Variants in PTPRD observed in about 807,000 individuals in gnomAD.
PTPRD encodes the protein receptor-type tyrosine-protein phosphatase delta.
Under a neutral mutation model 214.5 loss-of-function variants are expected in PTPRD, and 34 were observed. The observed-to-expected ratio is 0.16, with a 90% CI of 0.12 to 0.21. The LOEUF (loss-of-function observed/expected upper bound fraction) is 0.21. Ranked by LOEUF, PTPRD falls within the 10% of genes least tolerant of loss-of-function variation. PTPRD has a pLI of 1.00. For missense variants in PTPRD, 2,545 were observed against 2,398.7 expected (o/e 1.06, Z -1.27); for synonymous variants, 1,128 against 845.7 (o/e 1.33, Z -5.79).
At chr9:9,431,157 G>A (rs868853976) in intron 8 of PTPRD, among the ~76,000 whole-genome samples, 1 of 152,148 alleles carries the variant, frequency 6.6e-6, no homozygotes, top group East Asian at 1.9e-4. Context: ...CTACCCATCT[G>A]ACAAAGGGCT....
chr9:9,098,929 T>C (rs562787124), intron 10 of PTPRD, among the ~76,000 whole-genome samples: 87 of 152,256 alleles, frequency 5.7e-4, no homozygotes, highest in Middle Eastern at 3.4e-3. Flanking sequence ...GATAAAGAAA[T>C]GAATACAGAC....
intron 4 of PTPRD, among the ~76,000 whole-genome samples, chr9:9,972,563 C>A (rs1375640168): frequency 6.6e-6 from 1 of 152,078 alleles, no homozygotes; most frequent in African/African-American, 2.4e-5. Context: ...TACCATAATA[C>A]ATTATATACA....
chr9:9,250,278 G>C (rs1181556573), intron 9 of PTPRD, among the ~76,000 whole-genome samples: 2 of 152,048 alleles, frequency 1.3e-5, no homozygotes, highest in Non-Finnish European at 2.9e-5. Context: ...TACCAGTACT[G>C]ATAGAACTTT....
intron 7 of PTPRD, among the ~76,000 whole-genome samples, chr9:9,591,356 C>A (rs1371543056): frequency 6.6e-6 from 1 of 151,874 alleles, no homozygotes; most frequent in Non-Finnish European, 1.5e-5. Flanking sequence ...GTCCTACCTC[C>A]AAAAGGAAGT....
intron 5 of PTPRD, among the ~76,000 whole-genome samples, chr9:9,828,149 A>G (rs775118447): frequency 6.6e-6 from 1 of 152,144 alleles, no homozygotes; most frequent in South Asian, 2.1e-4. Context: ...CCATCCCATT[A>G]CTGAGTATAT....
intron 12 of PTPRD, among the ~76,000 whole-genome samples, chr9:8,706,917 C>A (rs2098222388): frequency 1.3e-5 from 2 of 152,128 alleles, no homozygotes; most frequent in South Asian, 4.1e-4. Context: ...CGCTGGACAG[C>A]ACAAAACACC....
chr9:8,398,051 G>A (rs1482237253), intron 36 of PTPRD, among the ~76,000 whole-genome samples: 1 of 152,038 alleles, frequency 6.6e-6, no homozygotes, highest in Non-Finnish European at 1.5e-5. Context: ...TCAAATATAT[G>A]CAGCTTTCTC....
Position 9,206,324 on chromosome 9 carries a change from C to T in PTPRD, c.-202-22961G>A, listed in dbSNP as rs555508241. ...AGAGGAGGACCATTGGAGGGTTGTG[C>T]GTAAAGGCATGACATGATGTAACAT... is the stretch of plus-strand genomic sequence containing the variant. On this transcript the variant is annotated intron_variant, in intron 9 of 45. Coordinates refer to ENST00000381196, the MANE Select transcript of PTPRD (RefSeq NM_002839.4). Among the ~76,000 whole-genome samples the T allele has an allele frequency of 6.6e-5, 10 of 152,108 alleles. No homozygotes were observed. The East Asian group carries it at 9.7e-4, about 15-fold the overall frequency.
chr9:9,240,331 A>G (rs982550831), intron 9 of PTPRD, among the ~76,000 whole-genome samples: 6 of 152,178 alleles, frequency 3.9e-5, no homozygotes, highest in African/African-American at 1.4e-4. Context: ...TCTTGTTTTT[A>G]TAAGGTATAC....
intron 14 of PTPRD, among the ~76,000 whole-genome samples, chr9:8,628,708 A>G (rs1310608444): frequency 6.6e-6 from 1 of 151,808 alleles, no homozygotes; most frequent in East Asian, 1.9e-4. Context: ...CTGGAATTCA[A>G]TTTCCCAAGA....
At chr9:10,164,922 C>A in intron 3 of PTPRD, among the ~76,000 whole-genome samples, 1 of 150,620 alleles carries the variant, frequency 6.6e-6, no homozygotes. Flanking sequence ...TAGCATACAT[C>A]TGATTCATCT....
intron 33 of PTPRD, among the ~76,000 whole-genome samples, chr9:8,459,086 A>G (rs757276362): frequency 9.9e-5 from 15 of 152,056 alleles, no homozygotes; most frequent in Non-Finnish European, 1.9e-4. Context: ...TTCTTTTTTT[A>G]AGAGTCAAGA....
At chr9:8,842,778 A>G (rs1195777671) in intron 11 of PTPRD, among the ~76,000 whole-genome samples, 1 of 152,168 alleles carries the variant, frequency 6.6e-6, no homozygotes, top group East Asian at 1.9e-4. Flanking sequence ...GACAAAATTC[A>G]AACGCACTAT....
intron 3 of PTPRD, among the ~76,000 whole-genome samples, chr9:10,103,199 T>C (rs1490185532): frequency 6.6e-6 from 1 of 151,430 alleles, no homozygotes; most frequent in African/African-American, 2.4e-5. Context: ...ACAGCACTAA[T>C]ATCTGCACAT....
Position 10,105,430 on chromosome 9 carries a change from G to A in PTPRD, c.-544-71640C>T, listed in dbSNP as rs188621754. ...AGAGAGGAATGTTATTTCTGCAGTGGCAGTGTTTTATGGCAAGTGCATGGG... is the reference window on the plus strand; with the variant it reads ...AGAGAGGAATGTTATTTCTGCAGTGACAGTGTTTTATGGCAAGTGCATGGG... On this transcript the variant is annotated intron_variant, in intron 3 of 45. Coordinates refer to ENST00000381196, the MANE Select transcript of PTPRD (RefSeq NM_002839.4). Among the ~76,000 whole-genome samples the A allele has an allele frequency of 5.5e-4, 83 of 151,950 alleles. 1 individual carries two copies. Among genetic ancestry groups the A allele is most frequent in the Admixed American group, 4.4e-3 (67 of 15,220 alleles).
At chr9:8,775,771 C>T (rs191490359) in intron 11 of PTPRD, among the ~76,000 whole-genome samples, 154 of 151,648 alleles carry the variant, frequency 1.0e-3, no homozygotes, top group African/African-American at 3.3e-3. Flanking sequence ...ATTACTTGAG[C>T]TCAGGAGTTC....
At chr9:10,146,611 A>T (rs1239409659) in intron 3 of PTPRD, among the ~76,000 whole-genome samples, 2 of 151,982 alleles carry the variant, frequency 1.3e-5, no homozygotes, top group Non-Finnish European at 2.9e-5. Flanking sequence ...TGAGGTGGAA[A>T]TTTTTTCTAA....
chr9:10,327,369 T>A (rs1237889744), intron 3 of PTPRD, among the ~76,000 whole-genome samples: 1 of 151,480 alleles, frequency 6.6e-6, no homozygotes, highest in Non-Finnish European at 1.5e-5. Context: ...AACATAAGTA[T>A]TTGAGATAAA....
intron 35 of PTPRD, among the ~76,000 whole-genome samples, chr9:8,410,194 A>G (rs2093402764): frequency 6.6e-6 from 1 of 152,238 alleles, no homozygotes; most frequent in Admixed American, 6.5e-5. Flanking sequence ...CACAATTAGT[A>G]AAAGCCTGCA....
Sources: gnomAD v4.1 joint callset for allele counts (sites outside exome capture counted in the v4.1 genomes callset) on GRCh38, gnomAD v4.1.1 for gene constraint, MANE v1.5 for transcripts, NCBI Gene and HGNC (gene_info 2026-07-23, HGNC 2026-07-21) for gene names.